Variants in DISC1 observed in about 807,000 individuals in gnomAD.
DISC1 encodes the protein DISC1 scaffold protein.
In DISC1, 57 loss-of-function variants were observed where a neutral mutation model predicts 84.5. The ratio of observed to expected loss-of-function variants is 0.67; its 90% CI spans 0.55 to 0.84. The LOEUF (loss-of-function observed/expected upper bound fraction) is 0.84, where lower values mean the gene tolerates loss of function less well. Among genes scored for constraint, DISC1 ranks in the 40% least tolerant of loss-of-function variants. The pLI is 0.00. For missense variants in DISC1, 1,000 were observed against 1,057.8 expected, an observed-to-expected ratio of 0.95 and a Z score of 0.76; for synonymous variants, 411 against 415.2, an observed-to-expected ratio of 0.99 and a Z score of 0.12.
intron 1 of DISC1, among the ~76,000 whole-genome samples, chr1:231,637,943 A>G (rs1207939547): frequency 2.6e-5 from 4 of 152,190 alleles, no homozygotes; most frequent in Non-Finnish European, 5.9e-5. Context: ...GATTTTAATA[A>G]TTTACATTCT....
At chr1:231,882,869 C>T (rs1328474424) in intron 9 of DISC1, among the ~76,000 whole-genome samples, 4 of 151,830 alleles carry the variant, frequency 2.6e-5, no homozygotes, top group Non-Finnish European at 5.9e-5. Flanking sequence ...TAATGATGGG[C>T]CTGTAGGGAT....
At chr1:231,950,373 T>A (rs958086873) in intron 9 of DISC1, among the ~76,000 whole-genome samples, 36 of 152,054 alleles carry the variant, frequency 2.4e-4, no homozygotes, top group African/African-American at 7.5e-4. Flanking sequence ...TACTGTAAAT[T>A]AATCTCCAGG....
intron 1 of DISC1, among the ~76,000 whole-genome samples, chr1:231,683,795 C>T (rs894164402): frequency 2.6e-5 from 4 of 151,948 alleles, no homozygotes; most frequent in Non-Finnish European, 5.9e-5. Context: ...CCTGTCCTCT[C>T]GGTCCCCACC....
At chr1:231,951,111 A>T (rs902355435) in intron 9 of DISC1, among the ~76,000 whole-genome samples, 4 of 152,228 alleles carry the variant, frequency 2.6e-5, no homozygotes, top group African/African-American at 9.6e-5. Context: ...CAGTTCTGAA[A>T]ACACTTTCTC....
At chr1:231,723,970 AC>A in intron 3 of DISC1, 1 of 985,366 alleles carries the variant, frequency 1.0e-6, no homozygotes, top group Non-Finnish European at 1.2e-6. Context: ...CAGGAAGGAA[AC>A]TCACCATGAC....
chr1:231,742,076 A>G (rs1209713499), intron 3 of DISC1, among the ~76,000 whole-genome samples: 1 of 152,206 alleles, frequency 6.6e-6, no homozygotes, highest in Non-Finnish European at 1.5e-5. Context: ...AAAGTCTGCT[A>G]CAATGGCCTA....
chr1:231,734,310 A>C (rs534264002), intron 3 of DISC1, among the ~76,000 whole-genome samples: 2 of 152,302 alleles, frequency 1.3e-5, no homozygotes, highest in South Asian at 2.1e-4. Flanking sequence ...ACATTTGGTG[A>C]AAGAACACTT....
chr1:231,659,424 C>A (rs186451299), intron 1 of DISC1, among the ~76,000 whole-genome samples: 56 of 151,972 alleles, frequency 3.7e-4, no homozygotes, highest in African/African-American at 1.2e-3. Flanking sequence ...TTTCAAAAAA[C>A]CAGTTTCTGG....
At chr1:231,781,281 G>A (rs1313441526) in intron 6 of DISC1, among the ~76,000 whole-genome samples, 1 of 4,064 alleles carries the variant, frequency 2.5e-4, no homozygotes, top group Non-Finnish European at 7.1e-4. Flanking sequence ...AAATGGATAT[G>A]TATTTTATAA....
intron 3 of DISC1, among the ~76,000 whole-genome samples, chr1:231,715,201 G>A (rs1469641414): frequency 6.6e-6 from 1 of 152,190 alleles, no homozygotes; most frequent in East Asian, 1.9e-4. Context: ...GGGTACATCT[G>A]TTAGGAGAAG....
chr1:231,914,905 C>T (rs572535122), intron 9 of DISC1, among the ~76,000 whole-genome samples: 1 of 152,296 alleles, frequency 6.6e-6, no homozygotes, highest in African/African-American at 2.4e-5. Context: ...TGTATACTGT[C>T]CTGTACCAGT....
At chr1:231,661,519 C>T (rs2061562772) in intron 1 of DISC1, among the ~76,000 whole-genome samples, 1 of 152,156 alleles carries the variant, frequency 6.6e-6, no homozygotes, top group Non-Finnish European at 1.5e-5. Flanking sequence ...ATTCTTTCCT[C>T]CACTTGGTCT....
chr1:231,647,105 T>G (rs1321289263), intron 1 of DISC1, among the ~76,000 whole-genome samples: 1 of 152,246 alleles, frequency 6.6e-6, no homozygotes, highest in African/African-American at 2.4e-5. Context: ...GTGTTGCCAT[T>G]GCTTTTGGTG....
intron 3 of DISC1, chr1:231,722,523 A>G: frequency 1.2e-6 from 2 of 1,614,086 alleles, no homozygotes; most frequent in Non-Finnish European, 1.7e-6. Context: ...AGAGGTATTC[A>G]TTTTCTTCTT....
intron 10 of DISC1, among the ~76,000 whole-genome samples, chr1:231,981,041 G>A (rs1266607552): frequency 6.6e-6 from 1 of 152,132 alleles, no homozygotes; most frequent in Non-Finnish European, 1.5e-5. Context: ...CAACCTCCTG[G>A]GCTCGATTAA....
At chr1:231,949,457 C>G (rs1267395358) in intron 9 of DISC1, among the ~76,000 whole-genome samples, 1 of 152,166 alleles carries the variant, frequency 6.6e-6, no homozygotes, top group Non-Finnish European at 1.5e-5. Context: ...AGGCTTTCCT[C>G]AAATGGGAAG....
At chr1:231,963,253 AT>A (rs5781681) in intron 10 of DISC1, among the ~76,000 whole-genome samples, 55,136 of 148,362 alleles carry the variant, frequency 0.37, 11,591 homozygotes, top group African/African-American at 0.59. Context: ...ATGCCATTGC[AT>A]TTTTTTTTTT....
chr1:231,669,845 A>G (rs1209355236), intron 1 of DISC1, among the ~76,000 whole-genome samples: 1 of 152,190 alleles, frequency 6.6e-6, no homozygotes, highest in Non-Finnish European at 1.5e-5. Context: ...CAGGAATATC[A>G]TTTGACCCAA....
intron 9 of DISC1, among the ~76,000 whole-genome samples, chr1:231,868,695 TATATATATATATA>T (rs2085234102): frequency 5.1e-4 from 1 of 1,946 alleles, no homozygotes; most frequent in Non-Finnish European, 7.8e-4. Context: ...CCATCTCTTA[TATATATATATATA>T]TATATATATA....
Sources: gnomAD v4.1 joint callset for allele counts (sites outside exome capture counted in the v4.1 genomes callset) on GRCh38, gnomAD v4.1.1 for gene constraint, MANE v1.5 for transcripts, NCBI Gene and HGNC (gene_info 2026-07-23, HGNC 2026-07-21) for gene names.